The following CSMD1 variants were observed in gnomAD, a reference collection of about 807,000 sequenced individuals.
CSMD1 encodes the protein CUB and Sushi multiple domains 1.
Under a neutral mutation model 417.5 loss-of-function variants are expected in CSMD1, and 213 were observed. That is an observed-to-expected ratio of 0.51 (90% confidence interval 0.46 to 0.57). The LOEUF (loss-of-function observed/expected upper bound fraction) is 0.57, where lower values mean the gene tolerates loss of function less well. CSMD1 is among the 20% of genes least tolerant of loss of function. The pLI is 0.00. For synonymous variants in CSMD1, 2,862 were observed against 1,736.8 expected, an observed-to-expected ratio of 1.65 and a Z score of -16.11; for missense variants, 6,923 against 4,529.7, an observed-to-expected ratio of 1.53 and a Z score of -15.17.
intron 6 of CSMD1, among the ~76,000 whole-genome samples, chr8:3,748,294 G>C (rs1584939873): frequency 6.6e-6 from 1 of 152,072 alleles, no homozygotes; most frequent in African/African-American, 2.4e-5. Context: ...ATTATTTAAA[G>C]GTTATAATAT....
chr8:3,334,920 C>T (rs543945006), intron 23 of CSMD1, among the ~76,000 whole-genome samples: 14 of 152,348 alleles, frequency 9.2e-5, no homozygotes, highest in Middle Eastern at 3.4e-3. Context: ...ATCTGTAGCA[C>T]GGCTAAGAGC....
At chr8:4,893,698 C>A (rs887598107) in intron 1 of CSMD1, among the ~76,000 whole-genome samples, 2 of 152,128 alleles carry the variant, frequency 1.3e-5, no homozygotes, top group Non-Finnish European at 2.9e-5. Flanking sequence ...GTACCATAGT[C>A]TAAACTCACA....
rs757835559 is a variant in CSMD1 at position 4,069,220 on chromosome 8, G to T, written c.416-37121C>A. The stretch of plus-strand genomic sequence containing the variant: ...CTGATTGAGGCGTGAATGTAAAATT[G>T]TCATACAGATGAGAAAATCAAAAAT... On this transcript the variant is annotated intron_variant, in intron 3 of 69. Transcript: ENST00000635120. Among the ~76,000 whole-genome samples the T allele has an allele frequency of 3.7e-4, 57 of 152,278 alleles. 1 individual carries two copies. The highest frequency in any genetic ancestry group is 3.2e-4 in the Non-Finnish European group (22 of 68,010).
chr8:3,337,973 G>A (rs1331662512), intron 23 of CSMD1, among the ~76,000 whole-genome samples: 2 of 152,120 alleles, frequency 1.3e-5, no homozygotes, highest in African/African-American at 4.8e-5. Flanking sequence ...TCTTCACCAC[G>A]TCTGAACAGT....
intron 12 of CSMD1, among the ~76,000 whole-genome samples, chr8:3,429,881 A>C (rs1017989323): frequency 6.6e-6 from 1 of 152,184 alleles, no homozygotes; most frequent in Non-Finnish European, 1.5e-5. Context: ...TTGGTCACAT[A>C]AACTGTGCAC....
intron 2 of CSMD1, among the ~76,000 whole-genome samples, chr8:4,480,845 C>T (rs767287553): frequency 6.6e-6 from 1 of 152,166 alleles, no homozygotes; most frequent in Admixed American, 6.5e-5. Flanking sequence ...TTTGTCACAC[C>T]ATTGTCATTA....
At chr8:4,062,417 G>C (rs368095086) in intron 3 of CSMD1, among the ~76,000 whole-genome samples, 1 of 151,996 alleles carries the variant, frequency 6.6e-6, no homozygotes, top group Non-Finnish European at 1.5e-5. Context: ...TTGTACATAC[G>C]TATTCTAGAA....
intron 5 of CSMD1, among the ~76,000 whole-genome samples, chr8:3,894,047 A>T (rs1160697187): frequency 6.6e-6 from 1 of 152,078 alleles, no homozygotes; most frequent in East Asian, 1.9e-4. Flanking sequence ...AGTGCTGGTC[A>T]TTGCTGCCAC....
chr8:4,588,328 T>C (rs1799806828), intron 2 of CSMD1, among the ~76,000 whole-genome samples: 2 of 145,206 alleles, frequency 1.4e-5, no homozygotes, highest in South Asian at 4.5e-4. Flanking sequence ...AGACCACAGT[T>C]TCAAATACAG....
At chr8:3,616,651 T>G in intron 8 of CSMD1, 59 bp downstream of exon 8, 1 of 1,110,684 alleles carries the variant, frequency 9.0e-7, no homozygotes, top group Non-Finnish European at 1.3e-6. Context: ...AACTGCAAGC[T>G]GAAATAATAT....
In CSMD1 at chr8:3,316,609, G is replaced by C. The variant is rs117503415; in HGVS notation, c.3632-8106C>G. ...AGGGAGAACAGTCCAGGTGGAAAAG[G>C]CTTCAAATCGCATGGCAGTTGGGAA... On this transcript the variant is annotated intron_variant, in intron 23 of 69. Transcript: ENST00000635120. Among the ~76,000 whole-genome samples, 9 of 152,250 alleles carry C rather than the reference G, an allele frequency of 5.9e-5. 1 individual carries two copies. In the South Asian group the frequency reaches 1.9e-3, roughly 32 times the overall value.
intron 5 of CSMD1, among the ~76,000 whole-genome samples, chr8:3,838,087 T>C (rs1463685628): frequency 6.6e-6 from 1 of 152,096 alleles, no homozygotes; most frequent in Non-Finnish European, 1.5e-5. Flanking sequence ...GGGAAAGCTG[T>C]AGCAGAAACT....
rs937680953 is a variant in CSMD1, at chr8:3,170,799, G to A, written c.5726-8522C>T. On this transcript the variant is annotated intron_variant, in intron 37 of 69. Coordinates refer to ENST00000635120, the MANE Select transcript of CSMD1 (RefSeq NM_033225.6). Reference sequence around the variant, plus strand: ...AATGGACTATTGAAAACAAGATATGGTCACAGAATCTACCCCTGATTTCTT... The same window carrying A: ...AATGGACTATTGAAAACAAGATATGATCACAGAATCTACCCCTGATTTCTT... Among the ~76,000 whole-genome samples, 51 of 152,158 alleles carry A rather than the reference G, an allele frequency of 3.4e-4. 1 individual carries two copies. The highest frequency in any genetic ancestry group is 5.9e-5 in the Non-Finnish European group (4 of 68,030).
intron 3 of CSMD1, among the ~76,000 whole-genome samples, chr8:4,097,356 AAAG>A (rs1801069073): frequency 6.6e-6 from 1 of 152,222 alleles, no homozygotes; most frequent in South Asian, 2.1e-4. Context: ...AAAATGTGTA[AAAG>A]AAGAATGCTT....
Position 4,637,072 on chromosome 8 carries a change from C to T in CSMD1, c.302+270G>A, listed in dbSNP as rs139208865. ...AAATAAGGGCACAAAAGCAGCCCAA[C>T]GGGTTGGTCTCCCTTGCTGTGCTGT... On this transcript the variant is annotated intron_variant, in intron 2 of 69. Transcript: ENST00000635120. Among the ~76,000 whole-genome samples, 724 of 152,226 alleles carry T rather than the reference C, an allele frequency of 4.8e-3. 4 individuals carry two copies. Among genetic ancestry groups the T allele is most frequent in the Middle Eastern group, 0.031 (9 of 294 alleles).
At chr8:4,740,888 T>C (rs141943384) in intron 1 of CSMD1, among the ~76,000 whole-genome samples, 2,389 of 152,312 alleles carry the variant, frequency 0.016, 31 homozygotes, top group South Asian at 0.041. Flanking sequence ...TGCTCCTTTT[T>C]TCCACAACAG....
chr8:4,200,694 A>T (rs1277718848), intron 3 of CSMD1, among the ~76,000 whole-genome samples: 1 of 152,144 alleles, frequency 6.6e-6, no homozygotes, highest in African/African-American at 2.4e-5. Flanking sequence ...CACCTCTACA[A>T]AACATAACAA....
intron 3 of CSMD1, among the ~76,000 whole-genome samples, chr8:4,312,408 CGTGT>C (rs1798669864): frequency 8.1e-6 from 1 of 122,900 alleles, no homozygotes; most frequent in African/African-American, 4.7e-5. Context: ...CATATATATG[CGTGT>C]ATATATATGC....
intron 25 of CSMD1, among the ~76,000 whole-genome samples, chr8:3,289,361 C>A (rs900525395): frequency 6.8e-6 from 1 of 147,306 alleles, no homozygotes; most frequent in African/African-American, 2.7e-5. Flanking sequence ...ATGGCTGGGT[C>A]AAATGGTATT....
Sources: allele counts gnomAD v4.1 joint callset (sites outside exome capture counted in the v4.1 genomes callset), GRCh38; gene constraint gnomAD v4.1.1; transcripts MANE v1.5; gene names NCBI Gene and HGNC (gene_info 2026-07-23, HGNC 2026-07-21).